LARGE1: variants seen among roughly 807,000 people sequenced by gnomAD.
LARGE1 encodes xylosyl- and glucuronyltransferase LARGE1.
LARGE1 carries 43 observed loss-of-function variants against 87.6 expected under a neutral mutation model. The observed-to-expected ratio is 0.49, with a 90% CI of 0.38 to 0.63. LARGE1 has a LOEUF of 0.63. Among genes scored for constraint, LARGE1 ranks in the 30% least tolerant of loss-of-function variants. The pLI, the probability that LARGE1 is intolerant of heterozygous loss-of-function variation, is 0.00. For missense variants in LARGE1, 802 were observed against 1,000.2 expected, an observed-to-expected ratio of 0.80 and a Z score of 2.67; for synonymous variants, 434 against 394.6, an observed-to-expected ratio of 1.10 and a Z score of -1.18.
chr22:33,636,142 G>A (rs999020305), intron 3 of LARGE1, among the ~76,000 whole-genome samples: 2 of 152,196 alleles, frequency 1.3e-5, no homozygotes, highest in Non-Finnish European at 2.9e-5. Flanking sequence ...TGAGAAATCA[G>A]AAACCCAAAT....
chr22:33,913,491 C>A (rs770969615), intron 1 of LARGE1, among the ~76,000 whole-genome samples: 6 of 152,094 alleles, frequency 3.9e-5, no homozygotes, highest in Non-Finnish European at 7.3e-5. Flanking sequence ...AGGCTCCTAG[C>A]GGGTTATTTG....
chr22:33,094,194 C>T, the LARGE1 span, among the ~76,000 whole-genome samples: 1 of 152,114 alleles, frequency 6.6e-6, no homozygotes. Context: ...ATAACCATTT[C>T]GATATGGGAG....
chr22:33,756,127 GA>G (rs1185114884), intron 2 of LARGE1, among the ~76,000 whole-genome samples: 2 of 152,122 alleles, frequency 1.3e-5, no homozygotes, highest in Admixed American at 1.3e-4. Context: ...ATAGGTTGGG[GA>G]AAAAACAATT....
the LARGE1 span, among the ~76,000 whole-genome samples, chr22:33,088,069 AACAC>A: frequency 7.5e-6 from 1 of 133,964 alleles, no homozygotes; most frequent in African/African-American, 2.6e-5. Context: ...CACACACACA[AACAC>A]ACACACACAC....
chr22:33,348,061 C>G (rs985745978), intron 9 of LARGE1, among the ~76,000 whole-genome samples: 3 of 152,096 alleles, frequency 2.0e-5, no homozygotes, highest in Admixed American at 6.5e-5. Context: ...AGGGAAGGTA[C>G]AGACAACACA....
intron 1 of LARGE1, among the ~76,000 whole-genome samples, chr22:33,768,451 CA>C (rs1432363117): frequency 7.2e-5 from 11 of 151,980 alleles, no homozygotes; most frequent in Non-Finnish European, 1.0e-4. Flanking sequence ...CACACACACA[CA>C]CACACACACA....
At chr22:33,566,078 T>G (rs2078017020) in intron 5 of LARGE1, among the ~76,000 whole-genome samples, 1 of 36,318 alleles carries the variant, frequency 2.8e-5, no homozygotes, top group African/African-American at 6.1e-5. Context: ...AATATTGATC[T>G]CCTTTGACCT....
chr22:33,634,986 C>T (rs1450191014), intron 3 of LARGE1, among the ~76,000 whole-genome samples: 1 of 151,948 alleles, frequency 6.6e-6, no homozygotes, highest in Non-Finnish European at 1.5e-5. Flanking sequence ...GGCGCAGTGG[C>T]GGGCACCTGT....
chr22:33,619,081 A>G (rs2149044557), intron 4 of LARGE1, among the ~76,000 whole-genome samples: 1 of 152,314 alleles, frequency 6.6e-6, no homozygotes, highest in South Asian at 2.1e-4. Flanking sequence ...AAGCTGTTTC[A>G]TCACTCAATA....
intron 12 of LARGE1, among the ~76,000 whole-genome samples, chr22:33,296,191 G>A (rs931994096): frequency 3.3e-5 from 5 of 152,170 alleles, no homozygotes; most frequent in African/African-American, 4.8e-5. Context: ...TGGGGATCAC[G>A]GGGGCCTGGC....
intron 1 of LARGE1, among the ~76,000 whole-genome samples, chr22:33,777,662 G>A (rs1457288238): frequency 8.6e-6 from 1 of 116,786 alleles, no homozygotes; most frequent in Admixed American, 8.5e-5. Flanking sequence ...GGGAGGGGGA[G>A]GGGAAGGGGA....
intron 11 of LARGE1, among the ~76,000 whole-genome samples, chr22:33,213,017 GAA>G (rs140755781): frequency 1.6e-4 from 20 of 123,628 alleles, no homozygotes; most frequent in African/African-American, 4.3e-4. Context: ...GACTCCGTCT[GAA>G]AAAAAAAAAA....
chr22:33,642,710 CAAAAA>C (rs60815644), intron 3 of LARGE1, among the ~76,000 whole-genome samples: 3 of 17,354 alleles, frequency 1.7e-4, no homozygotes, highest in South Asian at 4.4e-3. Flanking sequence ...AAATGGAAAG[CAAAAA>C]AAAAAAAAAA....
chr22:33,785,020 CATATGTGTATATACAT>C (rs1478968216), intron 1 of LARGE1, among the ~76,000 whole-genome samples: 1 of 148,740 alleles, frequency 6.7e-6, no homozygotes, highest in African/African-American at 2.5e-5. Context: ...TGTATACATA[CATATGTGTATATACAT>C]ATATGTGTAT....
chr22:33,159,141 T>A (rs5998765), downstream of LARGE1, among the ~76,000 whole-genome samples: 145 of 152,350 alleles, frequency 9.5e-4, no homozygotes, highest in African/African-American at 3.5e-3. Flanking sequence ...TGTGGCTGTG[T>A]CTTCCTGTCA....
chr22:33,388,569 ATTT>A (rs992860804), intron 7 of LARGE1, among the ~76,000 whole-genome samples: 34 of 151,996 alleles, frequency 2.2e-4, no homozygotes, highest in Middle Eastern at 3.4e-3. Context: ...GGCTTTTTAA[ATTT>A]TTTTATTTTT....
At chr22:33,800,826 C>G (rs1280627186) in intron 1 of LARGE1, among the ~76,000 whole-genome samples, 1 of 152,022 alleles carries the variant, frequency 6.6e-6, no homozygotes, top group Non-Finnish European at 1.5e-5. Context: ...AAGTTTTGAG[C>G]TATTACAAAT....
At chr22:33,340,779 G>A (rs73401481) in intron 9 of LARGE1, among the ~76,000 whole-genome samples, 13,264 of 151,790 alleles carry the variant, frequency 0.087, 1,507 homozygotes, top group African/African-American at 0.24. Context: ...GCATGCAATC[G>A]TAAAGGGGAA....
intron 6 of LARGE1, among the ~76,000 whole-genome samples, chr22:33,487,460 C>T (rs755710032): frequency 1.3e-5 from 2 of 152,156 alleles, no homozygotes; most frequent in African/African-American, 2.4e-5. Flanking sequence ...CCAGTATCTA[C>T]TCCTCTGCTT....
Sources: allele counts gnomAD v4.1 joint callset (sites outside exome capture counted in the v4.1 genomes callset), GRCh38; gene constraint gnomAD v4.1.1; transcripts MANE v1.5; gene names NCBI Gene and HGNC (gene_info 2026-07-23, HGNC 2026-07-21).